The following DSP variants were observed in gnomAD, a reference collection of about 807,000 sequenced individuals.
DSP encodes the protein 250/210 kDa paraneoplastic pemphigus antigen.
In DSP, 114 loss-of-function variants were observed where a neutral mutation model predicts 290.6. The observed-to-expected ratio is 0.39, with a 90% confidence interval of 0.34 to 0.46. The LOEUF (loss-of-function observed/expected upper bound fraction) is 0.46. Among genes scored for constraint, DSP ranks in the 20% least tolerant of loss-of-function variants. DSP has a pLI of 0.99. For synonymous variants in DSP, 1,311 were observed against 1,316.4 expected (o/e 1.00, Z 0.09); for missense variants, 3,230 against 3,495.8 (o/e 0.92, Z 1.92).
At chr6:7,563,865 C>G (rs1758778421) in intron 6 of DSP, 79 bp downstream of exon 6, 12 of 1,326,976 alleles carry the variant, frequency 9.0e-6, no homozygotes, top group Non-Finnish European at 1.3e-5. Flanking sequence ...TCAAGCACAT[C>G]CTGGCGGGGA....
chr6:7,542,599 T>C (rs375269759), intron 1 of DSP, among the ~76,000 whole-genome samples: 1 of 152,162 alleles, frequency 6.6e-6, no homozygotes, highest in African/African-American at 2.4e-5. Context: ...CTGCAACGAC[T>C]CCTGGACTCC....
chr6:7,580,211 C>A lies in DSP; in HGVS notation c.4021C>A (p.Arg1341Ser). ...KAEFQEEAKR[R>S]WEYENELSKV... ...TGAGTTTCAGGAGGAGGCCAAGCGC[C>A]GCTGGGAATATGAAAATGAACTGAG... is the stretch of plus-strand genomic sequence containing the variant. The change falls in exon 23 of 24, where the codon CGC becomes AGC. Residue 1341 changes from arginine (R) to serine (S), a missense_variant. By Grantham distance (110) the Arg-to-Ser change is moderately radical. Coordinates refer to ENST00000379802, the MANE Select transcript of DSP (RefSeq NM_004415.4). This position sits in a 1 kb window ranked among gnomAD's most constrained non-coding sequence, Gnocchi z 4.2. 6.2e-7 allele frequency: 1 copy of A among 1,613,808 alleles called. No homozygotes were observed. The highest frequency in any genetic ancestry group is 8.5e-7 in the Non-Finnish European group (1 of 1,179,988).
intron 21 of DSP, 74 bp from the exon 22 acceptor site, chr6:7,578,390 A>G (rs1759312575): frequency 1.6e-6 from 2 of 1,261,600 alleles, no homozygotes; most frequent in Non-Finnish European, 2.3e-6. Flanking sequence ...TTTAGAAAAC[A>G]AAATCGGTCA....
At chr6:7,550,808 TA>T (rs1440247916) in intron 1 of DSP, among the ~76,000 whole-genome samples, 2 of 151,018 alleles carry the variant, frequency 1.3e-5, no homozygotes. Context: ...TTTTTTTTTT[TA>T]AAAAAGCACA....
intron 1 of DSP, among the ~76,000 whole-genome samples, chr6:7,550,970 A>G (rs1038477812): frequency 1.3e-5 from 2 of 152,074 alleles, no homozygotes; most frequent in African/African-American, 4.8e-5. Context: ...GTAGGGATTT[A>G]AAAAAATGTG....
At chr6:7,562,189 A>G (rs898793400) in intron 4 of DSP, among the ~76,000 whole-genome samples, 11 of 152,174 alleles carry the variant, frequency 7.2e-5, no homozygotes, top group African/African-American at 2.7e-4. Flanking sequence ...TAAAGAAATA[A>G]ACAATGAAAG....
At chr6:7,572,257 CTGTT>C (rs1473767826) in intron 15 of DSP, among the ~76,000 whole-genome samples, 189 bp downstream of exon 15, 3 of 152,196 alleles carry the variant, frequency 2.0e-5, no homozygotes, top group Non-Finnish European at 2.9e-5. Flanking sequence ...GGGGGTTAAA[CTGTT>C]CGTTTGTGTG....
chr6:7,577,955 T>A, intron 21 of DSP, 69 bp downstream of exon 21: 2 of 1,272,884 alleles, frequency 1.6e-6, no homozygotes, highest in Non-Finnish European at 2.3e-6. Flanking sequence ...CCCTGTCTCC[T>A]GCCTCTTCCC....
At chr6:7,572,805 A>G (rs1759096248) in intron 15 of DSP, among the ~76,000 whole-genome samples, 1 of 152,228 alleles carries the variant, frequency 6.6e-6, no homozygotes, top group African/African-American at 2.4e-5. Context: ...CAAGCGCCAT[A>G]GAGCATACTT....
intron 23 of DSP, among the ~76,000 whole-genome samples, chr6:7,581,774 G>T (rs1484604425): frequency 2.6e-5 from 4 of 151,966 alleles, no homozygotes; most frequent in African/African-American, 7.3e-5. Context: ...TTCTTTAATT[G>T]CATCAAATGC....
At position 7,579,932 on chromosome 6, in the gene DSP, G is replaced by T; in HGVS notation, c.3742G>T (p.Asp1248Tyr). ...QLDRLSRENR[D>Y]LKDEIVRLND... ...TGATAGACTTTCAAGGGAAAATCGAGATCTGAAGGATGAAATTGTCAGGCT... is the reference window on the plus strand; with the variant it reads ...TGATAGACTTTCAAGGGAAAATCGATATCTGAAGGATGAAATTGTCAGGCT... Residue 1248 changes from aspartate to tyrosine, a missense_variant, in exon 23 of 24, where the codon GAT becomes TAT. Transcript: ENST00000379802. The surrounding 1 kb of genome is among the most constrained non-coding windows in gnomAD (Gnocchi z 4.1). 6.2e-7 allele frequency: 1 copy of T among 1,614,126 alleles called. No individual in the cohort carries two copies. Among genetic ancestry groups the T allele is most frequent in the Non-Finnish European group, 8.5e-7 (1 of 1,180,024 alleles).
In DSP at chr6:7,571,898, G is replaced by A. The variant is rs375629257; in HGVS notation, c.1960G>A (p.Val654Ile). Residue 654 changes from valine (V) to isoleucine (I), a missense_variant, in exon 15 of 24, where the codon GTA (valine) becomes ATA (isoleucine). Physicochemically the swap from Val to Ile is conservative, Grantham distance 29. Around this residue, in one of 5 missense-constraint regions of DSP, gnomAD observed 1,714 missense variants for 1,844.5 expected, o/e 0.93. Transcript: ENST00000379802. ...CTGCCAAGATGTCAACCATAATAAA[G>A]TAATTGAAACCAACAGAGAAAATGA... is the stretch of plus-strand genomic sequence containing the variant. Reference protein sequence around the residue: ...GTCQDVNHNKVIETNRENDKQ... With the variant: ...GTCQDVNHNKIIETNRENDKQ... The A allele has an allele frequency of 2.5e-5, 40 of 1,613,896 alleles. No homozygotes were observed. Among genetic ancestry groups the A allele is most frequent in the Non-Finnish European group, 3.3e-5 (39 of 1,180,024 alleles).
rs1383881452 is a variant in DSP at position 7,578,517 on chromosome 6, T to C, written c.3039T>C (p.Tyr1013=). 1.9e-6 allele frequency: 3 copies of C among 1,613,926 alleles called. No individual in the cohort carries two copies. In the Admixed American group the frequency reaches 5.0e-5, roughly 27 times the overall value. The change falls in exon 22 of 24, where the codon TAT becomes TAC. Residue 1013 remains tyrosine (Y), a synonymous_variant. Transcript: ENST00000379802. ...AACTACTTACAAGATCTGGAGACTA[T>C]TACAGGTTCTTAAGTGAGATGCTGA... ...YIELLTRSGD[Y]YRFLSEMLKS... is the part of the protein sequence containing the mutation.
At chr6:7,557,217 T>G (rs1213550569) in intron 2 of DSP, among the ~76,000 whole-genome samples, 1 of 152,146 alleles carries the variant, frequency 6.6e-6, no homozygotes, top group African/African-American at 2.4e-5. Context: ...CTTTTTAAAT[T>G]TTGAAGTAGT....
At chr6:7,571,345 TC>T in intron 13 of DSP, 37 bp from the exon 14 acceptor site, 1 of 1,612,896 alleles carries the variant, frequency 6.2e-7, no homozygotes, top group Non-Finnish European at 8.5e-7. Flanking sequence ...TGTGGGGCAG[TC>T]ATAAATCCCA....
intron 1 of DSP, among the ~76,000 whole-genome samples, chr6:7,548,272 A>G (rs1210510621): frequency 1.3e-5 from 2 of 152,088 alleles, no homozygotes; most frequent in African/African-American, 2.4e-5. Context: ...GTGAAAAAAA[A>G]AAAGAAAGAA....
chr6:7,541,899 C>T lies in DSP; in HGVS notation c.-17C>T. The stretch of plus-strand genomic sequence containing the variant: ...TTATGCCTCGGCGCTGAGCCGCTCT[C>T]CCGATTGCCCGCCGACATGAGCTGC... On this transcript the variant is annotated 5_prime_UTR_variant, in exon 1 of 24. Transcript: ENST00000379802. The T allele has an allele frequency of 6.2e-7, 1 of 1,602,100 alleles. No homozygotes were observed. Among genetic ancestry groups the T allele is most frequent in the Non-Finnish European group, 8.5e-7 (1 of 1,176,636 alleles).
At chr6:7,563,914 G>C (rs1252837525) in intron 6 of DSP, 128 bp downstream of exon 6, 2 of 845,900 alleles carry the variant, frequency 2.4e-6, no homozygotes, top group East Asian at 5.0e-5. Flanking sequence ...TGCTGCTGCT[G>C]AGTTTCCTTT....
intron 1 of DSP, among the ~76,000 whole-genome samples, chr6:7,546,626 C>T (rs1239775408): frequency 6.6e-6 from 1 of 152,194 alleles, no homozygotes; most frequent in Non-Finnish European, 1.5e-5. Flanking sequence ...GAAGATTAAA[C>T]CTGCAGTGTG....
Sources: allele counts gnomAD v4.1 joint callset (sites outside exome capture counted in the v4.1 genomes callset), GRCh38; gene constraint gnomAD v4.1.1; regional missense constraint gnomAD v4.1.1; non-coding constraint Gnocchi (gnomAD v3.1); transcripts MANE v1.5; gene names NCBI Gene and HGNC (gene_info 2026-07-23, HGNC 2026-07-21).